FRYL: variants seen among roughly 807,000 people sequenced by gnomAD.
FRYL encodes protein furry homolog-like.
Under a neutral mutation model 351.2 loss-of-function variants are expected in FRYL, and 150 were observed. That is an observed-to-expected ratio of 0.43 (90% CI 0.37 to 0.49). The LOEUF is 0.49. Among genes scored for constraint, FRYL ranks in the 20% least tolerant of loss-of-function variants. FRYL has a pLI of 0.00. For synonymous variants in FRYL, 1,153 were observed against 1,257.1 expected (o/e 0.92, Z 1.75); for missense variants, 3,036 against 3,619.3 (o/e 0.84, Z 4.13).
chr4:48,690,615 TCTTG>T (rs1200516678), intron 2 of FRYL, among the ~76,000 whole-genome samples: 1 of 152,218 alleles, frequency 6.6e-6, no homozygotes, highest in Non-Finnish European at 1.5e-5. Flanking sequence ...AATTTTCTGT[TCTTG>T]CTTGTCAGAG....
At chr4:48,625,617 C>A (rs1027218300) in intron 4 of FRYL, among the ~76,000 whole-genome samples, 1 of 152,138 alleles carries the variant, frequency 6.6e-6, no homozygotes, top group Non-Finnish European at 1.5e-5. Context: ...TTAAAGTATA[C>A]AGGAGGATGT....
chr4:48,701,022 G>A (rs1560878513), intron 2 of FRYL, among the ~76,000 whole-genome samples: 1 of 152,022 alleles, frequency 6.6e-6, no homozygotes, highest in Non-Finnish European at 1.5e-5. Flanking sequence ...ATTCCATTAA[G>A]ATACTTCTAC....
intron 1 of FRYL, among the ~76,000 whole-genome samples, chr4:48,755,024 G>A (rs147154642): frequency 1.1e-4 from 17 of 152,240 alleles, no homozygotes; most frequent in African/African-American, 3.9e-4. Flanking sequence ...GTACATTGCA[G>A]AATAATGTAA....
intron 56 of FRYL, among the ~76,000 whole-genome samples, chr4:48,514,066 CT>C (rs769839973): frequency 2.4e-4 from 37 of 151,920 alleles, no homozygotes; most frequent in Non-Finnish European, 3.5e-4. Context: ...GGTAAGTATT[CT>C]TGATATGTTG....
intron 2 of FRYL, among the ~76,000 whole-genome samples, chr4:48,695,642 G>A (rs920426478): frequency 6.6e-6 from 1 of 152,102 alleles, no homozygotes; most frequent in African/African-American, 2.4e-5. Flanking sequence ...TGATTAAAAT[G>A]CCAAAAGCAA....
intron 2 of FRYL, among the ~76,000 whole-genome samples, chr4:48,705,270 T>C (rs1201544776): frequency 6.6e-6 from 1 of 151,882 alleles, no homozygotes; most frequent in Admixed American, 6.6e-5. Flanking sequence ...TGGTATATTA[T>C]ACCACTATAA....
At chr4:48,744,073 T>C (rs770806285) in intron 1 of FRYL, among the ~76,000 whole-genome samples, 30 of 152,268 alleles carry the variant, frequency 2.0e-4, no homozygotes, top group African/African-American at 3.1e-4. Flanking sequence ...CTGTAATTAA[T>C]AGGTCAGTAA....
At chr4:48,737,276 AAGAG>A (rs1265312534) in intron 1 of FRYL, among the ~76,000 whole-genome samples, 1 of 151,556 alleles carries the variant, frequency 6.6e-6, no homozygotes, top group Non-Finnish European at 1.5e-5. Context: ...AAAAAAAAAA[AAGAG>A]AGAGAAAGAG....
Position 48,605,801 on chromosome 4 carries a change from A to G in FRYL, c.774T>C (p.Asp258=), listed in dbSNP as rs1238806539. 1.2e-6 allele frequency: 2 copies of G among 1,605,966 alleles called. No homozygotes were observed. Among genetic ancestry groups the G allele is most frequent in the African/African-American group, 2.7e-5 (2 of 74,690 alleles). ...ECAQYFLEVK[D]KDIKHALAGL... ...CAGCAAGTGCATGTTTTATATCTTT[A>G]TCTTTCACTTCTAAGAAATACTGAG... Residue 258 remains aspartate, a synonymous_variant, in exon 11 of 64, where the codon GAT becomes GAC. Transcript: ENST00000358350.
At chr4:48,542,235 T>C in intron 44 of FRYL, 114 bp from the exon 45 acceptor site, 1 of 734,458 alleles carries the variant, frequency 1.4e-6, no homozygotes, top group Non-Finnish European at 2.4e-6. Flanking sequence ...TACAAAATGA[T>C]TAAACTCTTG....
Position 48,535,846 on chromosome 4 carries a change from T to C in FRYL, c.6394-19A>G. Reference sequence around the variant, plus strand: ...CACAAACCTAGAAAACAAATAAAATTATTTCATTCACCTAAAATAAAGACA... The same window carrying C: ...CACAAACCTAGAAAACAAATAAAATCATTTCATTCACCTAAAATAAAGACA... On this transcript the variant is annotated intron_variant, in intron 47 of 63. Transcript: ENST00000358350. 6.8e-7 allele frequency: 1 copy of C among 1,472,074 alleles called. No homozygotes were observed. 91.2% of individuals were successfully genotyped at this position (1,472,074 alleles called of 1,614,324 possible).
chr4:48,517,690 C>T lies in FRYL; in HGVS notation c.7690-2415G>A, dbSNP rs936395297. Among the ~76,000 whole-genome samples, 7 of 152,202 alleles carry T rather than the reference C, an allele frequency of 4.6e-5. 1 individual carries two copies. Among genetic ancestry groups the T allele is most frequent in the African/African-American group, 2.4e-5 (1 of 41,536 alleles). ...ATCCCCTCTTGAGATCAGAGTGTAA[C>T]GTGTGTATATTACAGAGAAGAAAGG... is the stretch of plus-strand genomic sequence containing the variant. On this transcript the variant is annotated intron_variant, in intron 55 of 63. Transcript: ENST00000358350.
rs115135577 is a variant in FRYL at position 48,663,161 on chromosome 4, A to G, written c.-81+21512T>C. Reference sequence around the variant, plus strand: ...AACAATGAACATTTGGGTTTATAATATATGTAGAAATAAAACAAGTGACTA... The same window carrying G: ...AACAATGAACATTTGGGTTTATAATGTATGTAGAAATAAAACAAGTGACTA... On this transcript the variant is annotated intron_variant, in intron 3 of 63. Coordinates refer to ENST00000358350, the MANE Select transcript of FRYL (RefSeq NM_015030.2). Among the ~76,000 whole-genome samples the G allele has an allele frequency of 3.7e-3, 558 of 152,048 alleles. 5 individuals are homozygous for G. The highest frequency in any genetic ancestry group is 0.017 in the Middle Eastern group (5 of 292).
chr4:48,682,547 T>A lies in FRYL; in HGVS notation c.-81+2126A>T, dbSNP rs1285515413. ...ACAAAGGGCTAATATCCAGAATCTA[T>A]AAAGAACTTAAACAAATGTACAAGA... On this transcript the variant is annotated intron_variant, in intron 3 of 63. Coordinates refer to ENST00000358350, the MANE Select transcript of FRYL (RefSeq NM_015030.2). 5.9e-5 allele frequency among the ~76,000 whole-genome samples: 9 copies of A among 151,806 alleles called. No homozygotes were observed. In the East Asian group the frequency reaches 1.7e-3, roughly 29 times the overall value.
At chr4:48,561,324 T>G in intron 33 of FRYL, 144 bp downstream of exon 33, 1 of 515,280 alleles carries the variant, frequency 1.9e-6, no homozygotes, top group Non-Finnish European at 3.2e-6. Flanking sequence ...TTAAGAGTTC[T>G]TATTGAAGAA....
chr4:48,710,575 A>G lies in FRYL; in HGVS notation c.-260T>C. 2.5e-6 allele frequency: 1 copy of G among 398,642 alleles called. No homozygotes were observed. The highest frequency in any genetic ancestry group is 2.1e-5 in the African/African-American group (1 of 48,760). 24.7% of individuals were successfully genotyped at this position (398,642 alleles called of 1,614,324 possible). A position where few individuals can be genotyped will look rare whatever the true frequency, so the allele number is the denominator to read the frequency against. On this transcript the variant is annotated 5_prime_UTR_variant, in exon 2 of 64. Coordinates refer to ENST00000358350, the MANE Select transcript of FRYL (RefSeq NM_015030.2). ...TGTAGAAAAGACACCAAGTTTGGAA[A>G]GGATCCATCTAGAAGCTTTTTTGAT...
chr4:48,634,795 G>A (rs1396426268), intron 3 of FRYL, among the ~76,000 whole-genome samples: 4 of 152,082 alleles, frequency 2.6e-5, no homozygotes, highest in Non-Finnish European at 5.9e-5. Context: ...ACAATGCCTA[G>A]CATAGATTAG....
chr4:48,576,389 C>A (rs998357323), intron 23 of FRYL, among the ~76,000 whole-genome samples, 167 bp from the exon 24 acceptor site: 1 of 151,782 alleles, frequency 6.6e-6, no homozygotes, highest in African/African-American at 2.4e-5. Context: ...TGCAACCTCC[C>A]CACCTCTCAG....
intron 3 of FRYL, among the ~76,000 whole-genome samples, chr4:48,675,101 G>A (rs1005446512): frequency 6.6e-6 from 1 of 152,182 alleles, no homozygotes; most frequent in African/African-American, 2.4e-5. Flanking sequence ...AGGCTGGAGT[G>A]CAGTGGCGCA....
Sources: gnomAD v4.1 joint callset for allele counts (sites outside exome capture counted in the v4.1 genomes callset) on GRCh38, gnomAD v4.1.1 for gene constraint, MANE v1.5 for transcripts, NCBI Gene and HGNC (gene_info 2026-07-23, HGNC 2026-07-21) for gene names.